The following ATRNL1 variants were observed in gnomAD, a reference collection of about 807,000 sequenced individuals.
ATRNL1 encodes attractin like 1.
In ATRNL1, 95 loss-of-function variants were observed where a neutral mutation model predicts 182.7. That is an observed-to-expected ratio of 0.52 (90% CI 0.44 to 0.62). The LOEUF is 0.62. Among genes scored for constraint, ATRNL1 ranks in the 20% least tolerant of loss-of-function variants. The probability of loss-of-function intolerance (pLI) is 0.00; values close to 1 mark genes in which losing one functional copy is unlikely to be tolerated. For synonymous variants in ATRNL1, 576 were observed against 568.3 expected (o/e 1.01, Z -0.19); for missense variants, 1,471 against 1,679.5 (o/e 0.88, Z 2.17).
At chr10:115,381,171 A>G (rs1857975446) in intron 19 of ATRNL1, among the ~76,000 whole-genome samples, 1 of 152,114 alleles carries the variant, frequency 6.6e-6, no homozygotes, top group African/African-American at 2.4e-5. Flanking sequence ...CTTATCAGTC[A>G]TTTGTAAATC....
intron 26 of ATRNL1, among the ~76,000 whole-genome samples, chr10:115,616,829 A>G (rs1232172600): frequency 6.6e-6 from 1 of 152,190 alleles, no homozygotes; most frequent in African/African-American, 2.4e-5. Flanking sequence ...ATTTCAGAGG[A>G]TGTGTGAGAA....
chr10:115,911,116 T>C (rs1388264176), intron 28 of ATRNL1, among the ~76,000 whole-genome samples: 1 of 151,934 alleles, frequency 6.6e-6, no homozygotes, highest in Non-Finnish European at 1.5e-5. Flanking sequence ...ACGATTCTCA[T>C]GGCTCAGCCT....
intron 25 of ATRNL1, among the ~76,000 whole-genome samples, chr10:115,549,160 G>A (rs1343670439): frequency 6.6e-6 from 1 of 151,822 alleles, no homozygotes; most frequent in African/African-American, 2.4e-5. Context: ...AATAGATTTT[G>A]GTTGTGATTT....
intron 9 of ATRNL1, among the ~76,000 whole-genome samples, chr10:115,239,736 G>A (rs1850334581): frequency 6.6e-6 from 1 of 152,132 alleles, no homozygotes; most frequent in African/African-American, 2.4e-5. Flanking sequence ...CCTTAGGAGT[G>A]AGGTGGGATG....
At chr10:115,631,020 C>T (rs1858469943) in intron 26 of ATRNL1, among the ~76,000 whole-genome samples, 1 of 151,120 alleles carries the variant, frequency 6.6e-6, no homozygotes, top group Admixed American at 6.6e-5. Context: ...GTAAAAAGGC[C>T]TAATCATAGA....
intron 28 of ATRNL1, among the ~76,000 whole-genome samples, chr10:115,852,384 A>T (rs967500586): frequency 3.9e-5 from 6 of 152,196 alleles, no homozygotes; most frequent in Non-Finnish European, 5.9e-5. Context: ...TCATGGTGTC[A>T]TGGATGTCTT....
chr10:115,550,834 A>G (rs1352654835), intron 26 of ATRNL1, among the ~76,000 whole-genome samples: 1 of 151,806 alleles, frequency 6.6e-6, no homozygotes, highest in Non-Finnish European at 1.5e-5. Context: ...CCCTAATGGA[A>G]TAAGGCAAGT....
At chr10:115,417,909 C>A (rs1402977439) in intron 20 of ATRNL1, among the ~76,000 whole-genome samples, 2 of 152,098 alleles carry the variant, frequency 1.3e-5, no homozygotes, top group Non-Finnish European at 2.9e-5. Flanking sequence ...CAGTCAGTCC[C>A]CTTAGAAACT....
intron 28 of ATRNL1, among the ~76,000 whole-genome samples, chr10:115,856,538 C>G (rs868983219): frequency 6.6e-6 from 1 of 151,528 alleles, no homozygotes; most frequent in African/African-American, 2.4e-5. Flanking sequence ...AGTCCCCAAC[C>G]TTTTGGCACC....
At chr10:115,841,024 A>G (rs1950796198) in intron 27 of ATRNL1, among the ~76,000 whole-genome samples, 1 of 152,158 alleles carries the variant, frequency 6.6e-6, no homozygotes, top group South Asian at 2.1e-4. Context: ...AGAAAAGTAC[A>G]GGTTGTTACA....
intron 28 of ATRNL1, among the ~76,000 whole-genome samples, chr10:115,856,357 G>A (rs2960656): frequency 0.21 from 29,987 of 142,698 alleles, 3,145 homozygotes; most frequent in African/African-American, 0.24. Context: ...GAACCCAGCA[G>A]GCAGAGGTTG....
intron 18 of ATRNL1, among the ~76,000 whole-genome samples, chr10:115,329,911 A>G (rs1248666070): frequency 2.6e-5 from 4 of 152,118 alleles, no homozygotes; most frequent in African/African-American, 4.8e-5. Flanking sequence ...TTGTACTGCC[A>G]TATTGCTACT....
At chr10:115,308,777 A>T (rs996793121) in intron 17 of ATRNL1, among the ~76,000 whole-genome samples, 36 of 151,976 alleles carry the variant, frequency 2.4e-4, no homozygotes, top group African/African-American at 8.7e-4. Context: ...GGTTCCTTTT[A>T]TGTATTTTTG....
chr10:115,250,664 T>G (rs1429736058), intron 10 of ATRNL1, among the ~76,000 whole-genome samples: 4 of 152,118 alleles, frequency 2.6e-5, no homozygotes, highest in African/African-American at 9.7e-5. Flanking sequence ...GTAATGGGAG[T>G]TGCAAGATGC....
intron 28 of ATRNL1, among the ~76,000 whole-genome samples, chr10:115,897,220 C>A (rs1202657928): frequency 1.3e-5 from 2 of 152,026 alleles, no homozygotes; most frequent in African/African-American, 2.4e-5. Context: ...TAAGGAAATG[C>A]AAGTTATGAC....
intron 27 of ATRNL1, among the ~76,000 whole-genome samples, chr10:115,749,712 G>A (rs1948393582): frequency 6.6e-6 from 1 of 151,698 alleles, no homozygotes; most frequent in African/African-American, 2.4e-5. Context: ...ACATCCCTAT[G>A]ATAAAAATTA....
chr10:115,368,381 C>T (rs1857187913), intron 19 of ATRNL1, among the ~76,000 whole-genome samples: 1 of 152,238 alleles, frequency 6.6e-6, no homozygotes, highest in South Asian at 2.1e-4. Context: ...CCTGCTTCGG[C>T]TCGCGCACGG....
chr10:115,343,802 T>G (rs2134101468), intron 19 of ATRNL1, among the ~76,000 whole-genome samples: 1 of 152,278 alleles, frequency 6.6e-6, no homozygotes, highest in South Asian at 2.1e-4. Flanking sequence ...TTGAAAGGAC[T>G]TGGGACTTGG....
intron 26 of ATRNL1, among the ~76,000 whole-genome samples, chr10:115,644,094 GTGTA>G (rs1859445882): frequency 6.6e-6 from 1 of 152,068 alleles, no homozygotes; most frequent in Non-Finnish European, 1.5e-5. Flanking sequence ...TATAAACAAA[GTGTA>G]GTATGTTTAC....
Sources: allele counts gnomAD v4.1 joint callset (sites outside exome capture counted in the v4.1 genomes callset), GRCh38; gene constraint gnomAD v4.1.1; transcripts MANE v1.5; gene names NCBI Gene and HGNC (gene_info 2026-07-23, HGNC 2026-07-21).